FBXL17: variants seen among roughly 807,000 people sequenced by gnomAD.
FBXL17 encodes F-box and leucine rich repeat protein 17, also known as F-box/LRR-repeat protein 17.
FBXL17 carries 22 observed loss-of-function variants against 66.2 expected under a neutral mutation model. The ratio of observed to expected loss-of-function variants is 0.33; its 90% CI spans 0.24 to 0.47. The LOEUF is 0.47. Among genes scored for constraint, FBXL17 ranks in the 20% least tolerant of loss-of-function variants. The pLI, the probability that FBXL17 is intolerant of heterozygous loss-of-function variation, is 1.00. For synonymous variants in FBXL17, 474 were observed against 400.5 expected (o/e 1.18, Z -2.19); for missense variants, 878 against 948.2 (o/e 0.93, Z 0.97).
intron 6 of FBXL17, among the ~76,000 whole-genome samples, chr5:108,042,782 A>AT (rs1290705634): frequency 6.6e-6 from 1 of 152,196 alleles, no homozygotes; most frequent in African/African-American, 2.4e-5. Flanking sequence ...TTGTTGGGTC[A>AT]TACGGTAGTT....
chr5:108,005,555 TC>T (rs1211526824), intron 7 of FBXL17, among the ~76,000 whole-genome samples: 2 of 152,180 alleles, frequency 1.3e-5, no homozygotes, highest in African/African-American at 4.8e-5. Flanking sequence ...AAGAAACCTT[TC>T]CCATGAAAAT....
intron 4 of FBXL17, among the ~76,000 whole-genome samples, chr5:108,244,383 A>G (rs1316463635): frequency 6.6e-6 from 1 of 152,168 alleles, no homozygotes; most frequent in Non-Finnish European, 1.5e-5. Context: ...CTAGGTTGCA[A>G]TCCAGCTCCA....
chr5:107,979,106 G>A (rs1752704636), intron 7 of FBXL17, among the ~76,000 whole-genome samples: 1 of 152,110 alleles, frequency 6.6e-6, no homozygotes, highest in South Asian at 2.1e-4. Context: ...TCCAGTTCCT[G>A]ACATACATTA....
intron 4 of FBXL17, among the ~76,000 whole-genome samples, chr5:108,323,711 G>A (rs1759724806): frequency 1.3e-5 from 2 of 151,950 alleles, no homozygotes; most frequent in South Asian, 2.1e-4. Flanking sequence ...CAAAGCTACA[G>A]TAATACAAAA....
Position 108,080,592 on chromosome 5 carries a change from T to G in FBXL17, c.1746-59591A>C, listed in dbSNP as rs879433622. 2.5e-4 allele frequency among the ~76,000 whole-genome samples: 38 copies of G among 152,314 alleles called. 1 individual carries two copies. Among genetic ancestry groups the G allele is most frequent in the Admixed American group, 2.4e-3 (36 of 15,298 alleles). On this transcript the variant is annotated intron_variant, in intron 6 of 8. Coordinates refer to ENST00000542267, the MANE Select transcript of FBXL17 (RefSeq NM_001163315.3). ...CGTGAAAACATGTGCCCAAGGTGGCTGGGTTACAGCTTGAGTGTATACAGA... is the reference window on the plus strand; with the variant it reads ...CGTGAAAACATGTGCCCAAGGTGGCGGGGTTACAGCTTGAGTGTATACAGA...
At chr5:108,176,461 T>A (rs1752797817) in intron 6 of FBXL17, among the ~76,000 whole-genome samples, 1 of 152,106 alleles carries the variant, frequency 6.6e-6, no homozygotes, top group Non-Finnish European at 1.5e-5. Context: ...GCACTATTGC[T>A]CACTAGGAAC....
chr5:108,214,762 T>C (rs1754529542), intron 5 of FBXL17, among the ~76,000 whole-genome samples: 1 of 152,188 alleles, frequency 6.6e-6, no homozygotes, highest in South Asian at 2.1e-4. Flanking sequence ...TCTGTTCTTC[T>C]AGAACTTTTT....
intron 6 of FBXL17, among the ~76,000 whole-genome samples, chr5:108,136,429 G>T (rs1293733568): frequency 6.6e-6 from 1 of 152,224 alleles, no homozygotes; most frequent in Admixed American, 6.5e-5. Context: ...TTCTGGGTAC[G>T]CTACAACACC....
At chr5:108,017,083 A>C (rs1680759281) in intron 7 of FBXL17, among the ~76,000 whole-genome samples, 1 of 152,122 alleles carries the variant, frequency 6.6e-6, no homozygotes, top group South Asian at 2.1e-4. Context: ...CTGGCCTTGA[A>C]GGAAGTAAAT....
chr5:107,889,719 A>G (rs1468324079), intron 7 of FBXL17, among the ~76,000 whole-genome samples: 3 of 152,196 alleles, frequency 2.0e-5, no homozygotes, highest in African/African-American at 7.2e-5. Flanking sequence ...GTTGGTGGAA[A>G]AGTCAGTTCA....
At chr5:108,368,755 G>A (rs1439003376) in intron 1 of FBXL17, among the ~76,000 whole-genome samples, 4 of 152,040 alleles carry the variant, frequency 2.6e-5, no homozygotes, top group Non-Finnish European at 5.9e-5. Flanking sequence ...ATGTACCACA[G>A]TGTCAGAAGA....
At chr5:108,320,271 A>T (rs1010576317) in intron 4 of FBXL17, among the ~76,000 whole-genome samples, 4 of 151,694 alleles carry the variant, frequency 2.6e-5, no homozygotes, top group Admixed American at 2.6e-4. Flanking sequence ...TAGGTCTGGT[A>T]TAGCTATAAA....
intron 7 of FBXL17, among the ~76,000 whole-genome samples, chr5:107,939,521 G>C (rs1751023712): frequency 6.6e-6 from 1 of 152,092 alleles, no homozygotes; most frequent in South Asian, 2.1e-4. Context: ...GGTGACTCTA[G>C]CCATGAAGTA....
chr5:108,373,790 C>CA (rs974932182), intron 1 of FBXL17, among the ~76,000 whole-genome samples: 8 of 152,110 alleles, frequency 5.3e-5, no homozygotes, highest in Middle Eastern at 6.8e-3. Context: ...TAGTGGTATG[C>CA]ACCTATGGTC....
intron 7 of FBXL17, among the ~76,000 whole-genome samples, chr5:107,978,218 C>A (rs1050462659): frequency 1.3e-5 from 2 of 151,690 alleles, no homozygotes; most frequent in Admixed American, 1.3e-4. Context: ...TAGCCACACA[C>A]GCTGGCTGCC....
At chr5:108,207,341 T>A (rs74771129) in intron 5 of FBXL17, among the ~76,000 whole-genome samples, 46 of 152,232 alleles carry the variant, frequency 3.0e-4, no homozygotes, top group African/African-American at 1.0e-3. Flanking sequence ...GTTTTTTTTT[T>A]ATTATACTTT....
chr5:108,085,740 G>C (rs111686388), intron 6 of FBXL17, among the ~76,000 whole-genome samples: 176 of 152,236 alleles, frequency 1.2e-3, no homozygotes, highest in African/African-American at 4.0e-3. Context: ...TTTGAGACCA[G>C]CCTGGGCAAC....
At chr5:108,281,575 A>G (rs1757702646) in intron 4 of FBXL17, among the ~76,000 whole-genome samples, 1 of 151,898 alleles carries the variant, frequency 6.6e-6, no homozygotes. Context: ...GCCTAGATCA[A>G]AAAAGAAGAA....
At chr5:108,041,415 T>C (rs1165143202) in intron 6 of FBXL17, among the ~76,000 whole-genome samples, 1 of 152,064 alleles carries the variant, frequency 6.6e-6, no homozygotes, top group Non-Finnish European at 1.5e-5. Flanking sequence ...TGTTTTTTTG[T>C]TTTGTTTTGT....
Sources: gnomAD v4.1 joint callset for allele counts (sites outside exome capture counted in the v4.1 genomes callset) on GRCh38, gnomAD v4.1.1 for gene constraint, MANE v1.5 for transcripts, NCBI Gene and HGNC (gene_info 2026-07-23, HGNC 2026-07-21) for gene names.